Variants in A1BG observed in about 807,000 individuals in gnomAD.
A1BG encodes alpha-1-B glycoprotein.
Under a neutral mutation model 46.0 loss-of-function variants are expected in A1BG, and 44 were observed. The observed-to-expected ratio is 0.96, with a 90% confidence interval of 0.75 to 1.23. A1BG has a LOEUF of 1.23. A1BG is among the 50% of genes most tolerant of loss of function. A1BG has a pLI of 0.00. For synonymous variants in A1BG, 316 were observed against 314.7 expected, an observed-to-expected ratio of 1.00 and a Z score of -0.04; for missense variants, 707 against 688.8, an observed-to-expected ratio of 1.03 and a Z score of -0.30.
intron 4 of A1BG, 63 bp from the exon 5 acceptor site, chr19:58,351,750 A>C (rs1186993222): frequency 6.7e-7 from 1 of 1,491,822 alleles, no homozygotes; most frequent in Non-Finnish European, 9.0e-7. Context: ...CCCAGTCCCC[A>C]GACCTCTGCC....
At chr19:58,348,524 C>G (rs2051932241) in intron 6 of A1BG, 1 of 152,220 alleles carries the variant, frequency 6.6e-6, no homozygotes, top group Non-Finnish European at 1.5e-5. Flanking sequence ...GATACTAGCC[C>G]AGCCTAGCAG....
In A1BG at chr19:58,347,123, C is replaced by G. The variant is rs181368785; in HGVS notation, c.1481-94G>C. On this transcript the variant is annotated intron_variant, in intron 7 of 7. Coordinates refer to ENST00000263100, the MANE Select transcript of A1BG (RefSeq NM_130786.4). ...AAGGCCGACCTCCCTGACGCCCCCC[C>G]GGAAGGAAGCGCGTGGTCGGCTGCC... 8,550 of 1,505,866 alleles carry G rather than the reference C, an allele frequency of 5.7e-3. 35 individuals are homozygous for G. Among genetic ancestry groups the G allele is most frequent in the Non-Finnish European group, 6.4e-3 (6,973 of 1,096,892 alleles). 93.3% of individuals were successfully genotyped at this position (1,505,866 alleles called of 1,614,324 possible).
At chr19:58,348,177 C>T (rs1048619817) in intron 6 of A1BG, among the ~76,000 whole-genome samples, 1 of 152,130 alleles carries the variant, frequency 6.6e-6, no homozygotes, top group Non-Finnish European at 1.5e-5. Flanking sequence ...CACGGTGAAA[C>T]CCCGTCTCTA....
chr19:58,350,514 G>A lies in A1BG; in HGVS notation c.1048C>T (p.Gln350Ter), dbSNP rs1198382417. 6.4e-7 allele frequency: 1 copy of A among 1,554,316 alleles called. No homozygotes were observed. The highest frequency in any genetic ancestry group is 8.7e-7 in the Non-Finnish European group (1 of 1,149,440). The change falls in exon 6 of 8, where the codon CAG (glutamine) becomes TAG (stop). Residue 350 changes from glutamine (Q) to a stop codon, truncating the protein, a stop_gained. Coordinates refer to ENST00000263100, the MANE Select transcript of A1BG (RefSeq NM_130786.4). LOFTEE classifies it high-confidence loss of function. Reference sequence around the variant, plus strand: ...AGCGCCTCGGTCCCAGCGGGGCTCTGGAAACGGTGCACGCGGCGCCCGCCC... The same window carrying A: ...AGCGCCTCGGTCCCAGCGGGGCTCTAGAAACGGTGCACGCGGCGCCCGCCC... ...DRGGRRVHRF[Q>*]SPAGTEALFE...
chr19:58,347,459 G>A lies in A1BG; in HGVS notation c.1374C>T (p.Ile458=). ...TGCCGGCGTGCTGGGGCCCCACGAA[G>A]ATCAGCTCGAGGTTCGCCGCGGCCC... ...TPGAAANLEL[I]FVGPQHAGNY... The change falls in exon 7 of 8, where the codon ATC becomes ATT. Residue 458 remains isoleucine, a synonymous_variant. Transcript: ENST00000263100. 3 of 1,604,966 alleles carry A rather than the reference G, an allele frequency of 1.9e-6. No homozygotes were observed. Among genetic ancestry groups the A allele is most frequent in the Non-Finnish European group, 2.6e-6 (3 of 1,175,140 alleles).
In A1BG at chr19:58,346,949, G is replaced by A. The variant is rs1205224065; in HGVS notation, c.*73C>T. The A allele has an allele frequency of 9.0e-6, 14 of 1,551,792 alleles. No homozygotes were observed. In the East Asian group the frequency reaches 2.9e-4, roughly 32 times the overall value. On this transcript the variant is annotated 3_prime_UTR_variant, in exon 8 of 8. Transcript: ENST00000263100. ...GAGACCCCGGCCTTGTGCTGCAACA[G>A]GAGGGGAGGGAGCCAGTCCAGAATC...
intron 5 of A1BG, chr19:58,351,021 G>C (rs1279409927): frequency 2.3e-5 from 10 of 431,422 alleles, no homozygotes; most frequent in Non-Finnish European, 3.8e-5. Context: ...TGGTCCGCTG[G>C]GCATGGGGTT....
At chr19:58,351,302 G>A in intron 5 of A1BG, 89 bp downstream of exon 5, 2 of 1,505,546 alleles carry the variant, frequency 1.3e-6, no homozygotes, top group East Asian at 2.3e-5. Context: ...CTGGCCCAGA[G>A]CACTGCACTT....
At chr19:58,347,676 G>GC (rs1269593867) in intron 6 of A1BG, 36 bp from the exon 7 acceptor site, 5 of 1,296,466 alleles carry the variant, frequency 3.9e-6, no homozygotes, top group South Asian at 1.8e-5. Flanking sequence ...GCCAGGCCAC[G>GC]CCCCAGGCCA....
chr19:58,347,509 C>T lies in A1BG; in HGVS notation c.1324G>A (p.Ala442Thr). ...FELLREGETKAVKTVRTPGAA... is the reference protein window; with the variant it reads ...FELLREGETKTVKTVRTPGAA... ...CCGGGGGTGCGGACCGTCTTCACGG[C>T]CTTCGTCTCGCCCTCGCGCAGCAGC... is the stretch of plus-strand genomic sequence containing the variant. The change falls in exon 7 of 8, where the codon GCC becomes ACC. Residue 442 changes from alanine to threonine, a missense_variant. Transcript: ENST00000263100. 1 of 1,587,810 alleles carries T rather than the reference C, an allele frequency of 6.3e-7. No homozygotes were observed. The highest frequency in any genetic ancestry group is 8.6e-7 in the Non-Finnish European group (1 of 1,166,214).
In A1BG at chr19:58,351,302, GCACTGCACT is replaced by G; in HGVS notation, c.910+80_910+88del. On this transcript the variant is annotated intron_variant, in intron 5 of 7. Coordinates refer to ENST00000263100, the MANE Select transcript of A1BG (RefSeq NM_130786.4). Reference sequence around the variant, plus strand: ...AGTTGGTATTGGACCCTGGCCCAGAGCACTGCACTTCCCCAGACTCTACACCTGGTACTG... The same window carrying G: ...AGTTGGTATTGGACCCTGGCCCAGAGTCCCCAGACTCTACACCTGGTACTG... 7 of 1,505,546 alleles carry G rather than the reference GCACTGCACT, an allele frequency of 4.6e-6. No homozygotes were observed. In the Admixed American group the frequency reaches 1.0e-4, roughly 22 times the overall value. 93.3% of individuals were successfully genotyped at this position (1,505,546 alleles called of 1,614,324 possible). A position where few individuals can be genotyped will look rare whatever the true frequency, so the allele number is the denominator to read the frequency against.
In A1BG at chr19:58,350,775, C is replaced by T; in HGVS notation, c.911-124G>A. Reference sequence around the variant, plus strand: ...CCCGCAATGACCTGGCCAGCTTCCTCCCTCGCCTCCTCCGGGCCCGCCCCA... The same window carrying T: ...CCCGCAATGACCTGGCCAGCTTCCTTCCTCGCCTCCTCCGGGCCCGCCCCA... On this transcript the variant is annotated intron_variant, in intron 5 of 7. Transcript: ENST00000263100. 3.7e-6 allele frequency: 4 copies of T among 1,082,212 alleles called. No individual in the cohort carries two copies. The South Asian group carries it at 1.1e-4, about 31-fold the overall frequency. The allele number at this position is 1,082,212 out of a possible 1,614,324, so 67.0% of individuals were successfully genotyped here.
Position 58,350,401 on chromosome 19 carries a change from C to T in A1BG, c.1161G>A (p.Ala387=), listed in dbSNP as rs1237466484. The T allele has an allele frequency of 6.5e-7, 1 of 1,549,366 alleles. No homozygotes were observed. Among genetic ancestry groups the T allele is most frequent in the Admixed American group, 2.0e-5 (1 of 50,988 alleles). The change falls in exon 6 of 8, where the codon GCG becomes GCA. Residue 387 remains alanine, a synonymous_variant. Transcript: ENST00000263100. ...CGTGCAGCTCCAAGCGCTCGCTGGG[C>T]GCGGAGCCCCCGAAAGGCGGCTTCA... is the stretch of plus-strand genomic sequence containing the variant. ...VDLKPPFGGS[A]PSERLELHVD... is the part of the protein sequence containing the mutation.
At position 58,351,620 on chromosome 19, in the gene A1BG, C is replaced by T. The variant is rs935372069; in HGVS notation, c.681G>A (p.Lys227=). The T allele has an allele frequency of 1.2e-6, 2 of 1,613,322 alleles. No individual in the cohort carries two copies. The highest frequency in any genetic ancestry group is 1.3e-5 in the African/African-American group (1 of 74,910). Residue 227 remains lysine, a synonymous_variant, in exon 5 of 8, where the codon AAG becomes AAA. Coordinates refer to ENST00000263100, the MANE Select transcript of A1BG (RefSeq NM_130786.4). ...GGGGAGCCACGCAGGTGAGGGTCAC[C>T]TTGTTGCCAGGGTGCAGGACCTGGG... The part of the protein sequence containing the change: ...ESSQVLHPGN[K]VTLTCVAPLS...
chr19:58,352,330 T>TC lies in A1BG; in HGVS notation c.565dup (p.Glu189GlyfsTer6). ...AGCGCTGGGCTCAGAGAGGGCGCCT[T>TC]CCCCATCGGTCCGGTAGCTGCAGCT... is the stretch of plus-strand genomic sequence containing the variant. On this transcript the variant is annotated frameshift_variant, in exon 4 of 8. Coordinates refer to ENST00000263100, the MANE Select transcript of A1BG (RefSeq NM_130786.4). LOFTEE classifies it high-confidence loss of function. The TC allele has an allele frequency of 3.1e-6, 5 of 1,613,860 alleles. No individual in the cohort carries two copies. Among genetic ancestry groups the TC allele is most frequent in the African/African-American group, 1.3e-5 (1 of 74,980 alleles).
rs754226646 is a variant in A1BG at position 58,351,416 on chromosome 19, C to G, written c.885G>C (p.Ala295=). The change falls in exon 5 of 8, where the codon GCG becomes GCC. Residue 295 remains alanine (A), a synonymous_variant. Coordinates refer to ENST00000263100, the MANE Select transcript of A1BG (RefSeq NM_130786.4). Reference sequence around the variant, plus strand: ...CATCGCTCAGAATCAGCTCGACCGGCGCGCTGTCCCCGGACCAGCCGTTTT... The same window carrying G: ...CATCGCTCAGAATCAGCTCGACCGGGGCGCTGTCCCCGGACCAGCCGTTTT... ...DNQNGWSGDS[A]PVELILSDET... The G allele has an allele frequency of 6.2e-7, 1 of 1,612,276 alleles. No homozygotes were observed.
intron 3 of A1BG, 166 bp downstream of exon 3, chr19:58,352,762 G>C (rs1388753095): frequency 1.7e-6 from 2 of 1,210,720 alleles, no homozygotes; most frequent in East Asian, 4.7e-5. Flanking sequence ...CGGGCCTGCT[G>C]GGGACACAAC....
intron 6 of A1BG, 126 bp from the exon 7 acceptor site, chr19:58,347,766 T>C: frequency 1.8e-6 from 1 of 564,004 alleles, no homozygotes; most frequent in Non-Finnish European, 2.6e-6. Context: ...TTCCCTGTCT[T>C]GTTCCTGGGC....
At position 58,353,092 on chromosome 19, in the gene A1BG, T is replaced by G; in HGVS notation, c.176A>C (p.Gln59Pro). Residue 59 changes from glutamine to proline, a missense_variant, in exon 3 of 8, where the codon CAG becomes CCG. By Grantham distance (76) the Gln-to-Pro change is moderately conservative. Transcript: ENST00000263100. ...CQAHLETPDFQLFKNGVAQEP... is the reference protein window; with the variant it reads ...CQAHLETPDFPLFKNGVAQEP... Reference sequence around the variant, plus strand: ...CTGGGCCACCCCATTCTTGAACAGCTGGAAGTCTGGAGTCTCCAGGTGGGC... The same window carrying G: ...CTGGGCCACCCCATTCTTGAACAGCGGGAAGTCTGGAGTCTCCAGGTGGGC... 6.2e-7 allele frequency: 1 copy of G among 1,614,174 alleles called. No homozygotes were observed. The highest frequency in any genetic ancestry group is 8.5e-7 in the Non-Finnish European group (1 of 1,180,034).
Sources: gnomAD v4.1 joint callset for allele counts (sites outside exome capture counted in the v4.1 genomes callset) on GRCh38, gnomAD v4.1.1 for gene constraint, MANE v1.5 for transcripts, NCBI Gene and HGNC (gene_info 2026-07-23, HGNC 2026-07-21) for gene names.